TTC7A: variants seen among roughly 807,000 people sequenced by gnomAD.
The protein encoded by TTC7A is tetratricopeptide repeat protein 7A.
A neutral mutation model predicts 103.7 loss-of-function variants in TTC7A; 110 were observed. The ratio of observed to expected loss-of-function variants is 1.06; its 90% CI spans 0.91 to 1.24. TTC7A has a LOEUF of 1.24. TTC7A is among the 50% of genes most tolerant of loss of function. TTC7A has a pLI of 0.00. For synonymous variants in TTC7A, 521 were observed against 467.9 expected (o/e 1.11, Z -1.47); for missense variants, 1,340 against 1,116.3 (o/e 1.20, Z -2.86).
At chr2:47,033,225 C>T (rs1680752278) in intron 15 of TTC7A, among the ~76,000 whole-genome samples, 2 of 152,212 alleles carry the variant, frequency 1.3e-5, no homozygotes, top group Admixed American at 6.5e-5. Context: ...AACAACCGGT[C>T]CGGTAAATAT....
chr2:47,062,446 C>T (rs1295812947), intron 19 of TTC7A, among the ~76,000 whole-genome samples: 1 of 152,254 alleles, frequency 6.6e-6, no homozygotes, highest in East Asian at 1.9e-4. Flanking sequence ...TTCCAGTCAG[C>T]TCAGCAAATG....
Position 46,993,489 on chromosome 2 carries a change from G to T in TTC7A, c.804G>T (p.Leu268=). The change falls in exon 6 of 20, where the codon CTG becomes CTT. Residue 268 remains leucine (L), a synonymous_variant. Coordinates refer to ENST00000319190, the MANE Select transcript of TTC7A (RefSeq NM_020458.4). The part of the protein sequence containing the change: ...VKGMRELREV[L]RTVETKATQN... ...GCATGAGAGAGCTCCGGGAGGTGCTGCGGACTGTGGAGACCAAAGCAACTC... is the reference window on the plus strand; with the variant it reads ...GCATGAGAGAGCTCCGGGAGGTGCTTCGGACTGTGGAGACCAAAGCAACTC... The T allele has an allele frequency of 6.2e-7, 1 of 1,614,190 alleles. No individual in the cohort carries two copies. Among genetic ancestry groups the T allele is most frequent in the Middle Eastern group, 1.7e-4 (1 of 6,060 alleles).
intron 1 of TTC7A, among the ~76,000 whole-genome samples, chr2:46,947,771 T>C (rs956367785): frequency 6.6e-6 from 1 of 152,182 alleles, no homozygotes; most frequent in Admixed American, 6.5e-5. Flanking sequence ...TAAAAATGAA[T>C]TGCTAGAAAA....
intron 19 of TTC7A, chr2:47,068,108 G>C (rs1280968146): frequency 3.9e-5 from 6 of 152,326 alleles, no homozygotes; most frequent in African/African-American, 1.4e-4. Flanking sequence ...CGTTGGGGCA[G>C]AGGCTCTGTG....
At chr2:47,052,829 T>G (rs1025989155) in intron 18 of TTC7A, among the ~76,000 whole-genome samples, 4 of 152,202 alleles carry the variant, frequency 2.6e-5, no homozygotes, top group Admixed American at 1.3e-4. Flanking sequence ...CTCTTGCATT[T>G]TCTCTGATTA....
chr2:47,011,482 G>A, intron 11 of TTC7A, 47 bp downstream of exon 11: 1 of 1,483,084 alleles, frequency 6.7e-7, no homozygotes, highest in Non-Finnish European at 9.2e-7. Flanking sequence ...TGTGGGGAGG[G>A]TGGCAGCAGC....
chr2:47,048,556 A>G (rs1310167733), intron 16 of TTC7A, among the ~76,000 whole-genome samples: 3 of 152,204 alleles, frequency 2.0e-5, no homozygotes, highest in African/African-American at 7.2e-5. Flanking sequence ...AAAGCTGAGA[A>G]AGGTGGCCCA....
chr2:46,978,901 A>T lies in TTC7A; in HGVS notation c.758A>T (p.Lys253Met). 1 of 1,612,464 alleles carries T rather than the reference A, an allele frequency of 6.2e-7. No individual in the cohort carries two copies. The highest frequency in any genetic ancestry group is 1.3e-5 in the African/African-American group (1 of 75,012). Reference protein sequence around the residue: ...ALQSAYVKNLKKGNIVKGMRE... With the variant: ...ALQSAYVKNLMKGNIVKGMRE... Reference sequence around the variant, plus strand: ...CAGAGCGCCTATGTGAAAAACCTGAAGAAGGGGTAGGTCACTGGTAGTTGA... The same window carrying T: ...CAGAGCGCCTATGTGAAAAACCTGATGAAGGGGTAGGTCACTGGTAGTTGA... Residue 253 changes from lysine to methionine, a missense_variant, in exon 5 of 20, where the codon AAG (lysine) becomes ATG (methionine). By Grantham distance (95) the Lys-to-Met change is moderately conservative. Coordinates refer to ENST00000319190, the MANE Select transcript of TTC7A (RefSeq NM_020458.4).
At chr2:46,953,661 G>A (rs974809961) in intron 2 of TTC7A, among the ~76,000 whole-genome samples, 3 of 152,076 alleles carry the variant, frequency 2.0e-5, no homozygotes, top group East Asian at 1.9e-4. Context: ...CTAAGACCCC[G>A]TCCAGCTCAG....
At chr2:47,006,507 T>C in intron 9 of TTC7A, 134 bp from the exon 10 acceptor site, 1 of 757,722 alleles carries the variant, frequency 1.3e-6, no homozygotes, top group Non-Finnish European at 2.3e-6. Context: ...GCAGGGTGTC[T>C]CCCAGGAGCC....
At chr2:46,992,020 C>T (rs929619753) in intron 5 of TTC7A, among the ~76,000 whole-genome samples, 2 of 152,198 alleles carry the variant, frequency 1.3e-5, no homozygotes, top group African/African-American at 4.8e-5. Context: ...CCCCCAGGAG[C>T]CTGTTTTGTG....
intron 1 of TTC7A, among the ~76,000 whole-genome samples, chr2:46,948,210 T>C (rs1320674548): frequency 6.6e-6 from 1 of 151,922 alleles, no homozygotes; most frequent in Non-Finnish European, 1.5e-5. Flanking sequence ...TCCTGAGGGG[T>C]GTGTTTCCCT....
chr2:46,964,762 G>A (rs958965142), intron 3 of TTC7A, among the ~76,000 whole-genome samples: 40 of 152,142 alleles, frequency 2.6e-4, no homozygotes, highest in Non-Finnish European at 4.1e-4. Flanking sequence ...CCCAAGCTCC[G>A]GTGGGTCTCT....
intron 2 of TTC7A, among the ~76,000 whole-genome samples, chr2:46,955,114 C>G (rs538369761): frequency 6.6e-6 from 1 of 152,296 alleles, no homozygotes; most frequent in Non-Finnish European, 1.5e-5. Context: ...AAGAAAAGTT[C>G]AAAGCTCTTT....
chr2:47,031,592 A>C (rs1476530218), intron 15 of TTC7A, among the ~76,000 whole-genome samples: 1 of 152,238 alleles, frequency 6.6e-6, no homozygotes, highest in Admixed American at 6.5e-5. Context: ...GCTCGGCATC[A>C]GAATTTCCTA....
chr2:47,005,837 G>C, intron 8 of TTC7A, 85 bp from the exon 9 acceptor site: 5 of 1,503,236 alleles, frequency 3.3e-6, no homozygotes, highest in Non-Finnish European at 4.6e-6. Context: ...GATAGCGGCT[G>C]GGCCAGCAAG....
At chr2:46,993,283 G>A (rs373922149) in intron 5 of TTC7A, among the ~76,000 whole-genome samples, 167 bp from the exon 6 acceptor site, 3 of 151,620 alleles carry the variant, frequency 2.0e-5, no homozygotes, top group Admixed American at 1.3e-4. Context: ...GATGTCCTGG[G>A]CCTCTAAAGT....
intron 2 of TTC7A, chr2:46,951,624 TG>T (rs1249779121): frequency 2.2e-6 from 1 of 456,188 alleles, no homozygotes; most frequent in Non-Finnish European, 4.4e-6. Flanking sequence ...TTACTCAGGC[TG>T]GTCTCCAACT....
chr2:46,980,922 G>A (rs758364331), intron 5 of TTC7A, among the ~76,000 whole-genome samples: 2 of 152,228 alleles, frequency 1.3e-5, no homozygotes, highest in Non-Finnish European at 2.9e-5. Context: ...AGCCTAGCCA[G>A]GTGGAAGAGG....
Sources: allele counts gnomAD v4.1 joint callset (sites outside exome capture counted in the v4.1 genomes callset), GRCh38; gene constraint gnomAD v4.1.1; transcripts MANE v1.5; gene names NCBI Gene and HGNC (gene_info 2026-07-23, HGNC 2026-07-21).